The following KLHL22 variants were observed in gnomAD, a reference collection of about 807,000 sequenced individuals.
The protein encoded by KLHL22 is kelch like family member 22.
A neutral mutation model predicts 60.7 loss-of-function variants in KLHL22; 18 were observed. That is an observed-to-expected ratio of 0.30 (90% CI 0.20 to 0.44). KLHL22 has a LOEUF of 0.44. Among genes scored for constraint, KLHL22 ranks in the 20% least tolerant of loss-of-function variants. The pLI is 1.00. For missense variants in KLHL22, 596 were observed against 852.3 expected (o/e 0.70, Z 3.74); for synonymous variants, 355 against 354.5 (o/e 1.00, Z -0.01).
At chr22:20,474,486 G>A (rs546365652) in intron 2 of KLHL22, among the ~76,000 whole-genome samples, 1 of 152,242 alleles carries the variant, frequency 6.6e-6, no homozygotes, top group African/African-American at 2.4e-5. Context: ...CCGCCTCCCG[G>A]GTTCAAGCAA....
chr22:20,442,425 C>G lies in KLHL22; in HGVS notation c.1553G>C (p.Ser518Thr). 6.3e-7 allele frequency: 1 copy of G among 1,592,366 alleles called. No homozygotes were observed. Among genetic ancestry groups the G allele is most frequent in the Non-Finnish European group, 8.6e-7 (1 of 1,166,660 alleles). Residue 518 changes from serine to threonine, a missense_variant, in exon 7 of 7, where the codon AGC (serine) becomes ACC (threonine). Transcript: ENST00000328879. ...AGATGACCACTGTCCAGACGTGCAGCTGTAGCAGGCCACCTGCAAAGCCAA... is the reference window on the plus strand; with the variant it reads ...AGATGACCACTGTCCAGACGTGCAGGTGTAGCAGGCCACCTGCAAAGCCAA... Reference protein sequence around the residue: ...RRDVHQVACYSCTSGQWSSVC... With the variant: ...RRDVHQVACYTCTSGQWSSVC...
At chr22:20,483,132 C>A in intron 2 of KLHL22, 1 of 637,406 alleles carries the variant, frequency 1.6e-6, no homozygotes, top group East Asian at 2.9e-5. Flanking sequence ...GCCTCCACCT[C>A]CCTGAGGCTG....
At chr22:20,493,625 C>CA (rs1324771728) in intron 1 of KLHL22, among the ~76,000 whole-genome samples, 2 of 151,850 alleles carry the variant, frequency 1.3e-5, no homozygotes, top group African/African-American at 4.8e-5. Context: ...ACTAAAAATA[C>CA]AAAAAAATTA....
At chr22:20,450,284 T>C in intron 5 of KLHL22, 1 of 1,002,116 alleles carries the variant, frequency 1.0e-6, no homozygotes, top group Non-Finnish European at 1.6e-6. Context: ...CTGCCTGTAG[T>C]GATTACTTCT....
chr22:20,471,264 A>G, intron 3 of KLHL22, 86 bp downstream of exon 3: 1 of 1,323,274 alleles, frequency 7.6e-7, no homozygotes, highest in Non-Finnish European at 1.0e-6. Flanking sequence ...TCTTCAAGCC[A>G]ATGCTAGTGC....
At chr22:20,458,540 C>T (rs558662558) in intron 4 of KLHL22, among the ~76,000 whole-genome samples, 3 of 146,376 alleles carry the variant, frequency 2.0e-5, no homozygotes, top group Non-Finnish European at 3.0e-5. Flanking sequence ...AATGGCTGTT[C>T]GTACAGCCAC....
At chr22:20,460,414 C>A (rs1348801741) in intron 4 of KLHL22, among the ~76,000 whole-genome samples, 1 of 151,894 alleles carries the variant, frequency 6.6e-6, no homozygotes, top group Non-Finnish European at 1.5e-5. Flanking sequence ...CAAGACCAGA[C>A]TGTCCAATAT....
chr22:20,493,152 C>T (rs1342580540), intron 1 of KLHL22: 1 of 471,224 alleles, frequency 2.1e-6, no homozygotes. Flanking sequence ...CCTCACCTTC[C>T]GTGAGCATAG....
Position 20,468,718 on chromosome 22 carries a change from G to A in KLHL22, c.393+2632C>T, listed in dbSNP as rs1385586648. Among the ~76,000 whole-genome samples the A allele has an allele frequency of 2.6e-5, 4 of 152,110 alleles. No homozygotes were observed. In the East Asian group the frequency reaches 7.7e-4, roughly 29 times the overall value. ...TTGAGATAAGCTGGCATGTAGTGGT[G>A]TGGTGATCACAGCTTACTGAAGCCT... On this transcript the variant is annotated intron_variant, in intron 3 of 6. Coordinates refer to ENST00000328879, the MANE Select transcript of KLHL22 (RefSeq NM_032775.4).
At chr22:20,449,463 C>T (rs529377330) in intron 5 of KLHL22, among the ~76,000 whole-genome samples, 2 of 152,138 alleles carry the variant, frequency 1.3e-5, no homozygotes, top group East Asian at 1.9e-4. Flanking sequence ...TGCAAAGGCA[C>T]GGTCTCGGCT....
At chr22:20,471,636 G>T in intron 2 of KLHL22, 121 bp from the exon 3 acceptor site, 1 of 980,716 alleles carries the variant, frequency 1.0e-6, no homozygotes, top group Non-Finnish European at 1.5e-6. Context: ...GTAGTGGGCT[G>T]ACCCACTCTG....
At chr22:20,450,426 A>G in intron 5 of KLHL22, 2 of 1,536,042 alleles carry the variant, frequency 1.3e-6, no homozygotes, top group Non-Finnish European at 1.8e-6. Context: ...TGGAGAATGT[A>G]CAGGAACTGC....
At chr22:20,458,146 A>T (rs2053093589) in intron 4 of KLHL22, 146 bp from the exon 5 acceptor site, 1 of 785,458 alleles carries the variant, frequency 1.3e-6, no homozygotes. Flanking sequence ...GTGCACACCG[A>T]TCTACAGCCA....
Position 20,464,955 on chromosome 22 carries a change from T to G in KLHL22, c.1015A>C (p.Met339Leu). The change falls in exon 4 of 7, where the codon ATG becomes CTG. Residue 339 changes from methionine to leucine, a missense_variant. Coordinates refer to ENST00000328879, the MANE Select transcript of KLHL22 (RefSeq NM_032775.4). ...AGCACCGCGATGCCCTGGTTGGACA[T>G]GCGGGGGGCCAGGGAGGCAGTGAAG... ...KHFTASLAPR[M>L]SNQGIAVLNN... 1.0e-5 allele frequency: 16 copies of G among 1,607,144 alleles called. No individual in the cohort carries two copies. The highest frequency in any genetic ancestry group is 1.4e-5 in the Non-Finnish European group (16 of 1,176,562).
At chr22:20,478,794 G>A (rs62219868) in intron 2 of KLHL22, among the ~76,000 whole-genome samples, 28,525 of 147,236 alleles carry the variant, frequency 0.19, 3,604 homozygotes, top group Non-Finnish European at 0.28. Flanking sequence ...GATTACAGGC[G>A]TGAGCCACCA....
At chr22:20,466,235 G>A (rs1403908436) in intron 3 of KLHL22, among the ~76,000 whole-genome samples, 3 of 151,858 alleles carry the variant, frequency 2.0e-5, no homozygotes, top group South Asian at 2.1e-4. Flanking sequence ...TTAGCTGGGC[G>A]TGGTGGCGCG....
intron 2 of KLHL22, among the ~76,000 whole-genome samples, chr22:20,486,277 C>T (rs776594210): frequency 3.9e-5 from 6 of 152,084 alleles, no homozygotes; most frequent in Non-Finnish European, 5.9e-5. Flanking sequence ...TGAGTCCCCA[C>T]GGTGCAGCAA....
chr22:20,479,128 CA>C (rs1269356052), intron 2 of KLHL22, among the ~76,000 whole-genome samples: 29 of 140,438 alleles, frequency 2.1e-4, no homozygotes, highest in South Asian at 2.3e-4. Context: ...GATTCTGTCT[CA>C]AAAAAAAAAA....
rs972341342 is a variant in KLHL22, at chr22:20,468,500, G to A, written c.393+2850C>T. 4.6e-5 allele frequency among the ~76,000 whole-genome samples: 7 copies of A among 152,166 alleles called. No homozygotes were observed. The South Asian group carries it at 8.3e-4, about 18-fold the overall frequency. On this transcript the variant is annotated intron_variant, in intron 3 of 6. Coordinates refer to ENST00000328879, the MANE Select transcript of KLHL22 (RefSeq NM_032775.4). ...CTGGGAATCAGACTCAGGCCTCTGGGGACACCGTGAAGAATCTGGTCCCAG... is the reference window on the plus strand; with the variant it reads ...CTGGGAATCAGACTCAGGCCTCTGGAGACACCGTGAAGAATCTGGTCCCAG...
Sources: allele counts gnomAD v4.1 joint callset (sites outside exome capture counted in the v4.1 genomes callset), GRCh38; gene constraint gnomAD v4.1.1; transcripts MANE v1.5; gene names NCBI Gene and HGNC (gene_info 2026-07-23, HGNC 2026-07-21).